The following CADPS2 variants were observed in gnomAD, a reference collection of about 807,000 sequenced individuals.
CADPS2 encodes calcium dependent secretion activator 2, also known as calcium-dependent secretion activator 2.
Under a neutral mutation model 172.5 loss-of-function variants are expected in CADPS2, and 93 were observed. The ratio of observed to expected loss-of-function variants is 0.54; its 90% CI spans 0.46 to 0.64. The LOEUF is 0.64. Ranked by LOEUF, CADPS2 falls within the 30% of genes least tolerant of loss-of-function variation. The pLI, the probability that CADPS2 is intolerant of heterozygous loss-of-function variation, is 0.00. For synonymous variants in CADPS2, 546 were observed against 555.2 expected, an observed-to-expected ratio of 0.98 and a Z score of 0.23; for missense variants, 1,420 against 1,565.9, an observed-to-expected ratio of 0.91 and a Z score of 1.57.
At chr7:122,576,271 A>G (rs1159646889) in intron 7 of CADPS2, among the ~76,000 whole-genome samples, 5 of 152,140 alleles carry the variant, frequency 3.3e-5, no homozygotes, top group African/African-American at 1.2e-4. Context: ...AAATCATAAT[A>G]GAGAGCATAG....
intron 28 of CADPS2, among the ~76,000 whole-genome samples, chr7:122,338,686 A>G (rs2036286829): frequency 6.6e-6 from 1 of 152,208 alleles, no homozygotes; most frequent in Non-Finnish European, 1.5e-5. Flanking sequence ...TAACAACTAT[A>G]CAGTTATTAA....
At chr7:122,585,665 C>T (rs112893233) in intron 6 of CADPS2, 26 of 151,932 alleles carry the variant, frequency 1.7e-4, no homozygotes, top group African/African-American at 6.3e-4. Context: ...TGACTCAAAA[C>T]GTATTGCCTT....
At chr7:122,464,092 A>G (rs769894155) in intron 14 of CADPS2, among the ~76,000 whole-genome samples, 8 of 152,278 alleles carry the variant, frequency 5.3e-5, no homozygotes, top group Non-Finnish European at 1.0e-4. Context: ...CAAACAAACA[A>G]CAACAATAAC....
intron 19 of CADPS2, among the ~76,000 whole-genome samples, chr7:122,411,738 C>A (rs939911707): frequency 6.6e-6 from 1 of 152,114 alleles, no homozygotes; most frequent in African/African-American, 2.4e-5. Flanking sequence ...GCCCCTGCCA[C>A]ACACATACAC....
chr7:122,518,445 GTTT>G lies in CADPS2; in HGVS notation c.1476-5133_1476-5131del, dbSNP rs72451273. Among the ~76,000 whole-genome samples, 1,188 of 152,086 alleles carry G rather than the reference GTTT, an allele frequency of 7.8e-3. 14 individuals are homozygous for G. The highest frequency in any genetic ancestry group is 0.028 in the African/African-American group (1,149 of 41,514). On this transcript the variant is annotated intron_variant, in intron 8 of 29. Transcript: ENST00000449022. ...GCTATTAACTTGTCTTAAAAAATTTGTTTTTTATGTTATTATCATTTGCATTCT... is the reference window on the plus strand; with the variant it reads ...GCTATTAACTTGTCTTAAAAAATTTGTTTATGTTATTATCATTTGCATTCT...
At chr7:122,637,460 G>A (rs1270842405) in intron 3 of CADPS2, among the ~76,000 whole-genome samples, 3 of 152,110 alleles carry the variant, frequency 2.0e-5, no homozygotes, top group South Asian at 2.1e-4. Flanking sequence ...ATGAGCCACT[G>A]TGCCTGGACT....
At chr7:122,685,729 T>C (rs1403185314) in intron 2 of CADPS2, among the ~76,000 whole-genome samples, 1 of 152,224 alleles carries the variant, frequency 6.6e-6, no homozygotes, top group Non-Finnish European at 1.5e-5. Flanking sequence ...GTAAGCTCCA[T>C]GATGGCAGGC....
At chr7:122,539,627 C>T (rs971737165) in intron 8 of CADPS2, among the ~76,000 whole-genome samples, 2 of 152,048 alleles carry the variant, frequency 1.3e-5, no homozygotes, top group Non-Finnish European at 2.9e-5. Flanking sequence ...CAAGGTAAAT[C>T]CATCAACAGC....
At chr7:122,480,280 G>A (rs1218000355) in intron 12 of CADPS2, among the ~76,000 whole-genome samples, 7 of 147,472 alleles carry the variant, frequency 4.7e-5, no homozygotes, top group African/African-American at 1.7e-4. Context: ...TTGTCTTCCA[G>A]TAAGTTAGAT....
At chr7:122,698,008 A>C in intron 2 of CADPS2, 1 of 1,613,574 alleles carries the variant, frequency 6.2e-7, no homozygotes, top group East Asian at 2.2e-5. Context: ...TTGAATCCCC[A>C]AAACTTTAAG....
At chr7:122,714,847 G>T (rs1239339086) in intron 2 of CADPS2, among the ~76,000 whole-genome samples, 2 of 152,116 alleles carry the variant, frequency 1.3e-5, no homozygotes, top group Non-Finnish European at 2.9e-5. Context: ...TTAGCACTCT[G>T]TCTTATCTCA....
At chr7:122,639,308 TA>T (rs1181920093) in intron 3 of CADPS2, among the ~76,000 whole-genome samples, 1 of 152,232 alleles carries the variant, frequency 6.6e-6, no homozygotes, top group African/African-American at 2.4e-5. Context: ...GAAGTTTATA[TA>T]ATTCTTATGA....
rs567886418 is a variant in CADPS2, at chr7:122,856,091, G to A, written c.339+29908C>T. On this transcript the variant is annotated intron_variant, in intron 1 of 29. Transcript: ENST00000449022. ...TACCTTTGCAGGCAGTTGTAATCATGGAAGCAAAAGCCTCATGCTAGGGAT... is the reference window on the plus strand; with the variant it reads ...TACCTTTGCAGGCAGTTGTAATCATAGAAGCAAAAGCCTCATGCTAGGGAT... Among the ~76,000 whole-genome samples, 9 of 152,262 alleles carry A rather than the reference G, an allele frequency of 5.9e-5. No homozygotes were observed. The South Asian group carries it at 1.9e-3, about 32-fold the overall frequency.
At chr7:122,399,351 C>T (rs562298542) in intron 20 of CADPS2, among the ~76,000 whole-genome samples, 2 of 152,226 alleles carry the variant, frequency 1.3e-5, no homozygotes, top group Admixed American at 1.3e-4. Flanking sequence ...CATGTATTTG[C>T]AAGGAGCCTA....
At chr7:122,581,123 A>C in intron 7 of CADPS2, 56 bp downstream of exon 7, 1 of 1,236,074 alleles carries the variant, frequency 8.1e-7, no homozygotes, top group Non-Finnish European at 1.2e-6. Flanking sequence ...CTTAATCATG[A>C]ATCCAAAGAA....
intron 5 of CADPS2, among the ~76,000 whole-genome samples, 197 bp downstream of exon 5, chr7:122,621,284 T>C (rs1489105427): frequency 2.0e-5 from 3 of 152,182 alleles, no homozygotes; most frequent in Admixed American, 6.5e-5. Context: ...TTAATCCTAA[T>C]ATTGTTGTTA....
At chr7:122,776,669 T>C (rs1316506198) in intron 1 of CADPS2, among the ~76,000 whole-genome samples, 1 of 152,088 alleles carries the variant, frequency 6.6e-6, no homozygotes, top group East Asian at 1.9e-4. Context: ...CAGGAAGATG[T>C]GGGAAAGTTT....
intron 29 of CADPS2, among the ~76,000 whole-genome samples, chr7:122,323,656 T>C (rs1168773670): frequency 2.0e-5 from 3 of 151,754 alleles, no homozygotes; most frequent in Non-Finnish European, 4.4e-5. Context: ...CATGGGCTAA[T>C]GTGGAGATTG....
intron 2 of CADPS2, among the ~76,000 whole-genome samples, chr7:122,677,851 T>C (rs1348006794): frequency 1.3e-5 from 2 of 152,160 alleles, no homozygotes; most frequent in African/African-American, 4.8e-5. Flanking sequence ...AGTAAATGGA[T>C]TGGTAAGGAT....
Sources: allele counts gnomAD v4.1 joint callset (sites outside exome capture counted in the v4.1 genomes callset), GRCh38; gene constraint gnomAD v4.1.1; transcripts MANE v1.5; gene names NCBI Gene and HGNC (gene_info 2026-07-23, HGNC 2026-07-21).